The following RASGRF2 variants were observed in gnomAD, a reference collection of about 807,000 sequenced individuals.
RASGRF2 encodes ras-specific guanine nucleotide-releasing factor 2.
A neutral mutation model predicts 151.0 loss-of-function variants in RASGRF2; 76 were observed. The observed-to-expected ratio is 0.50, with a 90% CI of 0.42 to 0.61. RASGRF2 has a LOEUF of 0.61. RASGRF2 is among the 20% of genes least tolerant of loss of function. The probability of loss-of-function intolerance (pLI) is 0.00; values close to 1 mark genes in which losing one functional copy is unlikely to be tolerated. For missense variants in RASGRF2, 1,148 were observed against 1,564.6 expected, an observed-to-expected ratio of 0.73 and a Z score of 4.49; for synonymous variants, 504 against 566.5, an observed-to-expected ratio of 0.89 and a Z score of 1.57.
intron 17 of RASGRF2, among the ~76,000 whole-genome samples, chr5:81,179,207 A>G (rs1313607105): frequency 2.0e-5 from 3 of 152,376 alleles, no homozygotes; most frequent in Non-Finnish European, 4.4e-5. Context: ...AGATAGAGAC[A>G]TTAGCCAGCA....
At chr5:80,964,921 A>G (rs1747676524) in intron 1 of RASGRF2, among the ~76,000 whole-genome samples, 1 of 152,054 alleles carries the variant, frequency 6.6e-6, no homozygotes, top group African/African-American at 2.4e-5. Flanking sequence ...TGTCTTGCCT[A>G]CTAGCAGGAG....
intron 7 of RASGRF2, among the ~76,000 whole-genome samples, chr5:81,082,178 C>A (rs1470170073): frequency 6.6e-6 from 1 of 152,162 alleles, no homozygotes; most frequent in African/African-American, 2.4e-5. Context: ...TACCTGACAG[C>A]CCCCTGATGT....
At chr5:81,158,524 T>A (rs1387286152) in intron 17 of RASGRF2, among the ~76,000 whole-genome samples, 1 of 151,700 alleles carries the variant, frequency 6.6e-6, no homozygotes, top group Non-Finnish European at 1.5e-5. Context: ...AGACAACCCA[T>A]AGAGAAATAG....
At chr5:80,992,094 T>A (rs556183134) in intron 1 of RASGRF2, among the ~76,000 whole-genome samples, 3 of 128,160 alleles carry the variant, frequency 2.3e-5, no homozygotes, top group African/African-American at 8.3e-5. Context: ...TCCTCCCCTA[T>A]CCTGGACCAG....
rs547836769 is a variant in RASGRF2 at position 81,178,257 on chromosome 5, A to G, written c.2687-1918A>G. ...ATTTGAGATTTATATAGCAGATAAAATTATTAGGAAACAGCATAAAGATAG... is the reference window on the plus strand; with the variant it reads ...ATTTGAGATTTATATAGCAGATAAAGTTATTAGGAAACAGCATAAAGATAG... On this transcript the variant is annotated intron_variant, in intron 17 of 26. Transcript: ENST00000265080. Among the ~76,000 whole-genome samples, 6 of 152,320 alleles carry G rather than the reference A, an allele frequency of 3.9e-5. No individual in the cohort carries two copies. In the South Asian group the frequency reaches 8.3e-4, roughly 21 times the overall value.
At chr5:80,977,557 G>C (rs947817102) in intron 1 of RASGRF2, among the ~76,000 whole-genome samples, 9 of 151,986 alleles carry the variant, frequency 5.9e-5, no homozygotes, top group Non-Finnish European at 1.3e-4. Flanking sequence ...CCATCTCCTG[G>C]GTTCAAGCGA....
intron 18 of RASGRF2, among the ~76,000 whole-genome samples, chr5:81,180,604 A>T (rs1321695030): frequency 6.6e-6 from 1 of 152,104 alleles, no homozygotes; most frequent in African/African-American, 2.4e-5. Flanking sequence ...CTACCCTGGG[A>T]GCACTTTTCA....
At chr5:81,015,457 T>TA (rs200848924) in intron 1 of RASGRF2, among the ~76,000 whole-genome samples, 2,053 of 152,226 alleles carry the variant, frequency 0.013, 44 homozygotes, top group African/African-American at 0.048. Flanking sequence ...GAGCTATTTA[T>TA]AAAAAAAGTT....
chr5:80,960,686 C>G lies in RASGRF2; in HGVS notation c.-53C>G. 7.2e-7 allele frequency: 1 copy of G among 1,383,588 alleles called. No individual in the cohort carries two copies. 85.7% of individuals were successfully genotyped at this position (1,383,588 alleles called of 1,614,324 possible). ...TCGAGGGAGCCAGCTGGGCCATGGCCGCGAGGCAGGGGTGAGACCGGCGGC... is the reference window on the plus strand; with the variant it reads ...TCGAGGGAGCCAGCTGGGCCATGGCGGCGAGGCAGGGGTGAGACCGGCGGC... On this transcript the variant is annotated 5_prime_UTR_variant, in exon 1 of 27. Coordinates refer to ENST00000265080, the MANE Select transcript of RASGRF2 (RefSeq NM_006909.3). This position sits in a 1 kb window ranked among gnomAD's most constrained non-coding sequence, Gnocchi z 5.5.
At chr5:81,168,655 C>T (rs1754572347) in intron 17 of RASGRF2, among the ~76,000 whole-genome samples, 1 of 152,164 alleles carries the variant, frequency 6.6e-6, no homozygotes, top group South Asian at 2.1e-4. Context: ...GGCTCCCTTC[C>T]TCTGCTTCTT....
intron 17 of RASGRF2, among the ~76,000 whole-genome samples, chr5:81,168,783 A>G (rs1188020389): frequency 6.6e-6 from 1 of 152,206 alleles, no homozygotes; most frequent in Admixed American, 6.5e-5. Context: ...GACCCAGGTC[A>G]CTGACAACCG....
chr5:81,080,585 T>C lies in RASGRF2; in HGVS notation c.968-11T>C. 3.7e-6 allele frequency: 6 copies of C among 1,610,548 alleles called. No homozygotes were observed. The South Asian group carries it at 4.4e-5, about 12-fold the overall frequency. On this transcript the variant is annotated splice_polypyrimidine_tract_variant and intron_variant, in intron 6 of 26. Coordinates refer to ENST00000265080, the MANE Select transcript of RASGRF2 (RefSeq NM_006909.3). ...ACAAGGGAAACAGCCGTGTTTACTG[T>C]TTCTTTGCAGCTGATCTGTTTGATA...
At chr5:81,189,151 C>T (rs1755099878) in intron 18 of RASGRF2, among the ~76,000 whole-genome samples, 1 of 152,212 alleles carries the variant, frequency 6.6e-6, no homozygotes, top group Non-Finnish European at 1.5e-5. Flanking sequence ...CCCCGGCCAG[C>T]CTCCCCAGGC....
chr5:81,031,904 A>C (rs984572639), intron 1 of RASGRF2, among the ~76,000 whole-genome samples: 8 of 152,296 alleles, frequency 5.3e-5, no homozygotes, highest in Non-Finnish European at 1.0e-4. Context: ...GACCGCTAGC[A>C]AGACTAATAA....
intron 2 of RASGRF2, among the ~76,000 whole-genome samples, chr5:81,066,582 A>G (rs1372884379): frequency 1.3e-5 from 2 of 152,186 alleles, no homozygotes; most frequent in Admixed American, 1.3e-4. Context: ...CCAGGTAGCC[A>G]TTAACTTTCT....
chr5:80,969,387 G>A (rs778406088), intron 1 of RASGRF2, among the ~76,000 whole-genome samples: 11 of 151,392 alleles, frequency 7.3e-5, no homozygotes, highest in Non-Finnish European at 1.6e-4. Flanking sequence ...GCCCCCCTTG[G>A]CCTCCCAAAG....
At chr5:81,029,684 A>G (rs1750168196) in intron 1 of RASGRF2, among the ~76,000 whole-genome samples, 1 of 152,258 alleles carries the variant, frequency 6.6e-6, no homozygotes, top group Admixed American at 6.5e-5. Context: ...AGATAAAACC[A>G]CAAAGATGGG....
chr5:80,989,530 G>T (rs1008755497), intron 1 of RASGRF2, among the ~76,000 whole-genome samples: 1 of 152,196 alleles, frequency 6.6e-6, no homozygotes, highest in African/African-American at 2.4e-5. Context: ...GTGGAATTCT[G>T]TATTGGAGCA....
chr5:81,047,135 T>C (rs1750860668), intron 2 of RASGRF2, among the ~76,000 whole-genome samples: 1 of 149,224 alleles, frequency 6.7e-6, no homozygotes, highest in Admixed American at 6.7e-5. Flanking sequence ...AGGACAGGTT[T>C]GTGGGCAAAG....
Sources: gnomAD v4.1 joint callset for allele counts (sites outside exome capture counted in the v4.1 genomes callset) on GRCh38, gnomAD v4.1.1 for gene constraint, Gnocchi (gnomAD v3.1) non-coding constraint, MANE v1.5 for transcripts, NCBI Gene and HGNC (gene_info 2026-07-23, HGNC 2026-07-21) for gene names.